Variants in CPS1 observed in about 807,000 individuals in gnomAD.
The protein encoded by CPS1 is carbamoyl-phosphate synthase 1.
CPS1 carries 109 observed loss-of-function variants against 174.6 expected under a neutral mutation model. The ratio of observed to expected loss-of-function variants is 0.62; its 90% CI spans 0.53 to 0.73. CPS1 has a LOEUF of 0.73. Ranked by LOEUF, CPS1 falls within the 30% of genes least tolerant of loss-of-function variation. The pLI is 0.00. For missense variants in CPS1, 1,689 were observed against 1,821.9 expected (o/e 0.93, Z 1.33); for synonymous variants, 637 against 632.0 (o/e 1.01, Z -0.12).
Position 210,590,831 on chromosome 2 carries a change from T to C in CPS1, c.872T>C (p.Phe291Ser). 2 of 1,611,176 alleles carry C rather than the reference T, an allele frequency of 1.2e-6. No individual in the cohort carries two copies. Among genetic ancestry groups the C allele is most frequent in the African/African-American group, 1.3e-5 (1 of 74,848 alleles). Residue 291 changes from phenylalanine to serine, a missense_variant, in exon 9 of 38, where the codon TTT (phenylalanine) becomes TCT (serine). Transcript: ENST00000233072. ...GAGAGTGATCGCAAGGAGCCATTGT[T>C]TGGAATCAGTACAGGAAACTTAATA... ...ILESDRKEPL[F>S]GISTGNLITG...
At position 210,596,707 on chromosome 2, in the gene CPS1, T is replaced by G. The variant is rs79260955; in HGVS notation, c.1359+1125T>G. Among the ~76,000 whole-genome samples, 420 of 152,136 alleles carry G rather than the reference T, an allele frequency of 2.8e-3. 2 individuals carry two copies. Among genetic ancestry groups the G allele is most frequent in the African/African-American group, 9.7e-3 (404 of 41,566 alleles). On this transcript the variant is annotated intron_variant, in intron 13 of 37. Coordinates refer to ENST00000233072, the MANE Select transcript of CPS1 (RefSeq NM_001875.5). ...ATTGGAGACTGTCCAGTGGTTTAGA[T>G]TAGTTAGTACACAATCTAAGTGTGT...
At chr2:210,630,109 A>C (rs2105886354) in intron 21 of CPS1, among the ~76,000 whole-genome samples, 1 of 151,552 alleles carries the variant, frequency 6.6e-6, no homozygotes, top group Non-Finnish European at 1.5e-5. Flanking sequence ...AAAAAACAAA[A>C]CCATGAAAAA....
At chr2:210,661,906 T>G (rs1350499741) in intron 32 of CPS1, among the ~76,000 whole-genome samples, 1 of 143,534 alleles carries the variant, frequency 7.0e-6, no homozygotes, top group Non-Finnish European at 1.5e-5. Context: ...AGATATGCTT[T>G]TTTTTTTTTT....
chr2:210,677,566 C>T (rs562121683), intron 37 of CPS1, among the ~76,000 whole-genome samples: 1 of 152,312 alleles, frequency 6.6e-6, no homozygotes, highest in South Asian at 2.1e-4. Flanking sequence ...GGACATGACC[C>T]ATCGAATTTA....
chr2:210,654,192 A>G, intron 29 of CPS1, 90 bp downstream of exon 29: 1 of 1,183,872 alleles, frequency 8.4e-7, no homozygotes, highest in Non-Finnish European at 1.3e-6. Context: ...TAGAATTCAT[A>G]ATATCTATAA....
intron 13 of CPS1, among the ~76,000 whole-genome samples, chr2:210,597,102 A>G (rs1698510481): frequency 6.6e-6 from 1 of 151,918 alleles, no homozygotes; most frequent in Non-Finnish European, 1.5e-5. Context: ...CATTGTATAG[A>G]ACATTCAGAA....
rs755060253 is a variant in CPS1 at position 210,677,924 on chromosome 2, G to C, written c.4442G>C (p.Arg1481Pro). The change falls in exon 38 of 38, where the codon CGC (arginine) becomes CCC (proline). Residue 1481 changes from arginine to proline, a missense_variant. Physicochemically the swap from Arg to Pro is moderately radical, Grantham distance 103. Transcript: ENST00000233072. ...TTTGCTGAAGCTGTGCAGAAATCTC[G>C]CAAGGTGGACTCCAAGAGTCTTTTC... Reference protein sequence around the residue: ...KLFAEAVQKSRKVDSKSLFHY... With the variant: ...KLFAEAVQKSPKVDSKSLFHY... The C allele has an allele frequency of 8.1e-6, 13 of 1,613,886 alleles. No individual in the cohort carries two copies. Among genetic ancestry groups the C allele is most frequent in the Admixed American group, 1.7e-5 (1 of 59,980 alleles).
chr2:210,666,284 C>A (rs1185969152), intron 33 of CPS1, among the ~76,000 whole-genome samples: 3 of 149,346 alleles, frequency 2.0e-5, no homozygotes, highest in African/African-American at 7.4e-5. Flanking sequence ...GTTGCCTGTT[C>A]ACTCTGATGG....
intron 1 of CPS1, among the ~76,000 whole-genome samples, chr2:210,559,105 C>T (rs530426366): frequency 5.3e-5 from 8 of 152,190 alleles, no homozygotes; most frequent in African/African-American, 1.9e-4. Context: ...AAAAACTCAA[C>T]TGTCTTAGAA....
intron 1 of CPS1, among the ~76,000 whole-genome samples, chr2:210,525,977 C>T (rs1224928770): frequency 2.6e-5 from 4 of 151,664 alleles, no homozygotes; most frequent in Non-Finnish European, 5.9e-5. Context: ...GGTATGACTG[C>T]AATGAAGAGT....
chr2:210,572,170 A>G (rs1056639252), intron 1 of CPS1, among the ~76,000 whole-genome samples: 1 of 151,972 alleles, frequency 6.6e-6, no homozygotes, highest in African/African-American at 2.4e-5. Context: ...CTCAGATATC[A>G]TACTATTTTA....
chr2:210,658,559 T>C (rs756092357), intron 30 of CPS1, 40 bp from the exon 31 acceptor site: 3 of 1,557,514 alleles, frequency 1.9e-6, no homozygotes, highest in South Asian at 2.2e-5. Flanking sequence ...AACTAAGATA[T>C]GCTCTTTAGC....
At chr2:210,639,875 G>C (rs1012272875) in intron 23 of CPS1, 121 bp from the exon 24 acceptor site, 2 of 746,074 alleles carry the variant, frequency 2.7e-6, no homozygotes, top group Admixed American at 2.0e-5. Context: ...GAGACTAATA[G>C]AGAATACATG....
At position 210,645,398 on chromosome 2, in the gene CPS1, G is replaced by T. The variant is rs377462183; in HGVS notation, c.3142-2465G>T. On this transcript the variant is annotated intron_variant, in intron 25 of 37. Coordinates refer to ENST00000233072, the MANE Select transcript of CPS1 (RefSeq NM_001875.5). ...CTTTAACATTAACTACACCTGAAAT[G>T]AGCCAGAAAAGTAGAGTTAACTTAA... 1.1e-4 allele frequency among the ~76,000 whole-genome samples: 16 copies of T among 152,188 alleles called. No homozygotes were observed. The East Asian group carries it at 3.1e-3, about 29-fold the overall frequency.
chr2:210,593,790 A>G (rs1387752374), intron 11 of CPS1: 2 of 507,330 alleles, frequency 3.9e-6, no homozygotes, highest in African/African-American at 4.2e-5. Flanking sequence ...TTATTAGGAA[A>G]TATTGGTTCT....
In CPS1 at chr2:210,622,191, A is replaced by C. The variant is rs557838481; in HGVS notation, c.2687+5650A>C. Among the ~76,000 whole-genome samples the C allele has an allele frequency of 2.2e-3, 339 of 151,608 alleles. 3 individuals are homozygous for C. Among genetic ancestry groups the C allele is most frequent in the African/African-American group, 7.8e-3 (324 of 41,462 alleles). Reference sequence around the variant, plus strand: ...TTTATGTGAGCAATATTGTGGATGAAGCTTAGAAAGAATACTTACATGTAA... The same window carrying C: ...TTTATGTGAGCAATATTGTGGATGACGCTTAGAAAGAATACTTACATGTAA... On this transcript the variant is annotated intron_variant, in intron 21 of 37. Transcript: ENST00000233072.
At chr2:210,510,524 A>G (rs1262707849) in intron 1 of CPS1, among the ~76,000 whole-genome samples, 2 of 152,242 alleles carry the variant, frequency 1.3e-5, no homozygotes, top group African/African-American at 4.8e-5. Context: ...AAAAGCCAAA[A>G]CTGACAAATG....
intron 21 of CPS1, among the ~76,000 whole-genome samples, chr2:210,621,825 T>G (rs1362952195): frequency 6.6e-6 from 1 of 152,112 alleles, no homozygotes; most frequent in Non-Finnish European, 1.5e-5. Context: ...TTCAGTTTAA[T>G]AATTCTGAAT....
intron 16 of CPS1, among the ~76,000 whole-genome samples, chr2:210,604,144 G>A (rs939262095): frequency 2.0e-5 from 3 of 151,712 alleles, no homozygotes; most frequent in African/African-American, 4.8e-5. Context: ...GAACCTCATC[G>A]TGGGCAGCTG....
Sources: allele counts gnomAD v4.1 joint callset (sites outside exome capture counted in the v4.1 genomes callset), GRCh38; gene constraint gnomAD v4.1.1; transcripts MANE v1.5; gene names NCBI Gene and HGNC (gene_info 2026-07-23, HGNC 2026-07-21).